The following ADK variants were observed in gnomAD, a reference collection of about 807,000 sequenced individuals.
The protein encoded by ADK is N6,N6-dimethyladenosine kinase.
In ADK, 24 loss-of-function variants were observed where a neutral mutation model predicts 44.7. The ratio of observed to expected loss-of-function variants is 0.54; its 90% CI spans 0.39 to 0.76. The LOEUF (loss-of-function observed/expected upper bound fraction) is 0.76. ADK is among the 30% of genes least tolerant of loss of function. The probability of loss-of-function intolerance (pLI) is 0.00; values close to 1 mark genes in which losing one functional copy is unlikely to be tolerated. For missense variants in ADK, 321 were observed against 425.1 expected (o/e 0.76, Z 2.15); for synonymous variants, 128 against 142.6 (o/e 0.90, Z 0.73).
At chr10:74,462,956 G>A (rs10762621) in intron 6 of ADK, among the ~76,000 whole-genome samples, 90,474 of 151,984 alleles carry the variant, frequency 0.6, 29,735 homozygotes, top group Middle Eastern at 0.77. Flanking sequence ...AGGGATTTAG[G>A]CTTTATGAAG....
chr10:74,687,762 T>C (rs1435112466), intron 10 of ADK, among the ~76,000 whole-genome samples: 1 of 152,234 alleles, frequency 6.6e-6, no homozygotes, highest in Admixed American at 6.5e-5. Flanking sequence ...GTTCTTTTGA[T>C]TCCGCTTTAA....
At chr10:74,378,367 TG>T (rs1428264576) in intron 4 of ADK, among the ~76,000 whole-genome samples, 1 of 152,184 alleles carries the variant, frequency 6.6e-6, no homozygotes, top group African/African-American at 2.4e-5. Context: ...AATTTTAGGA[TG>T]TAATTATATA....
At chr10:74,470,280 C>T (rs1040688296) in intron 6 of ADK, among the ~76,000 whole-genome samples, 1 of 152,064 alleles carries the variant, frequency 6.6e-6, no homozygotes. Flanking sequence ...CTTCCTTGGC[C>T]TCCCAAAGTT....
At chr10:74,454,156 TA>T (rs1845863614) in intron 6 of ADK, among the ~76,000 whole-genome samples, 1 of 152,172 alleles carries the variant, frequency 6.6e-6, no homozygotes, top group South Asian at 2.1e-4. Flanking sequence ...TTCATTGACA[TA>T]TCTTTTTTCT....
chr10:74,612,497 A>G (rs912564413), intron 9 of ADK, among the ~76,000 whole-genome samples: 2 of 151,842 alleles, frequency 1.3e-5, no homozygotes, highest in African/African-American at 4.8e-5. Flanking sequence ...TTTTCTTGTT[A>G]ATTTGTTTAG....
At chr10:74,441,628 A>G (rs1476452809) in intron 6 of ADK, among the ~76,000 whole-genome samples, 2 of 152,174 alleles carry the variant, frequency 1.3e-5, no homozygotes, top group African/African-American at 4.8e-5. Flanking sequence ...AACATATTAG[A>G]AAAGCTCCGT....
At chr10:74,374,735 GTC>G (rs879557182) in intron 4 of ADK, among the ~76,000 whole-genome samples, 1 of 152,060 alleles carries the variant, frequency 6.6e-6, no homozygotes, top group Non-Finnish European at 1.5e-5. Context: ...GCATGCCCAT[GTC>G]TCTCTGTGTT....
chr10:74,488,885 C>T (rs1430276415), intron 6 of ADK, among the ~76,000 whole-genome samples: 1 of 151,846 alleles, frequency 6.6e-6, no homozygotes, highest in Non-Finnish European at 1.5e-5. Flanking sequence ...CAACTTACCA[C>T]CTTTGTGATC....
At chr10:74,301,387 G>A (rs183818514) in intron 3 of ADK, among the ~76,000 whole-genome samples, 5 of 151,702 alleles carry the variant, frequency 3.3e-5, no homozygotes, top group South Asian at 2.1e-4. Context: ...GGTGGCGTGC[G>A]CCTGTAGTCT....
At chr10:74,161,311 C>T (rs561648073) in intron 1 of ADK, among the ~76,000 whole-genome samples, 3 of 152,244 alleles carry the variant, frequency 2.0e-5, no homozygotes, top group African/African-American at 4.8e-5. Context: ...AAGCAATTCT[C>T]CTGCCTCAGC....
At chr10:74,433,003 A>G (rs1241770065) in intron 6 of ADK, among the ~76,000 whole-genome samples, 1 of 152,112 alleles carries the variant, frequency 6.6e-6, no homozygotes, top group Non-Finnish European at 1.5e-5. Flanking sequence ...GCTTTACTTT[A>G]CTAAGTGACT....
At chr10:74,438,885 A>G (rs998170110) in intron 6 of ADK, among the ~76,000 whole-genome samples, 3 of 152,174 alleles carry the variant, frequency 2.0e-5, no homozygotes, top group Admixed American at 1.3e-4. Flanking sequence ...ACCATTCAAA[A>G]AACTCTTTTA....
chr10:74,587,966 A>T (rs1053870506), intron 7 of ADK, among the ~76,000 whole-genome samples: 3 of 152,134 alleles, frequency 2.0e-5, no homozygotes, highest in Non-Finnish European at 4.4e-5. Flanking sequence ...AGAACTTTGC[A>T]TATTAAAATT....
rs1487699871 is a variant in ADK, at chr10:74,160,612, C to T, written c.65+9269C>T. 2.6e-5 allele frequency among the ~76,000 whole-genome samples: 4 copies of T among 151,986 alleles called. No individual in the cohort carries two copies. The South Asian group carries it at 8.3e-4, about 32-fold the overall frequency. On this transcript the variant is annotated intron_variant, in intron 1 of 10. Transcript: ENST00000539909. ...ATCAGAGGTGGAGATTTGGGCTGGC[C>T]TTGGATACATTCTCACTGTCTGCCC...
chr10:74,411,422 A>G (rs148837742), intron 6 of ADK, among the ~76,000 whole-genome samples: 14 of 152,374 alleles, frequency 9.2e-5, no homozygotes, highest in African/African-American at 3.4e-4. Context: ...AAATATCACA[A>G]TAAAGCAAGT....
intron 3 of ADK, among the ~76,000 whole-genome samples, chr10:74,244,486 T>C (rs565656985): frequency 2.0e-5 from 3 of 152,324 alleles, no homozygotes; most frequent in Non-Finnish European, 4.4e-5. Flanking sequence ...CCAGAGTTAA[T>C]ATGCCAGATA....
intron 6 of ADK, among the ~76,000 whole-genome samples, chr10:74,415,198 G>A (rs1844327053): frequency 6.6e-6 from 1 of 152,184 alleles, no homozygotes; most frequent in African/African-American, 2.4e-5. Context: ...ATAGCATTTA[G>A]TTGTTAAGAC....
chr10:74,377,973 A>C lies in ADK; in HGVS notation c.274-16168A>C, dbSNP rs148159023. On this transcript the variant is annotated intron_variant, in intron 4 of 10. Transcript: ENST00000539909. Reference sequence around the variant, plus strand: ...TGATCCTCTTCAGTGACTAGTATAGAATTGTCACACTTGAGCTTTGGAGAT... The same window carrying C: ...TGATCCTCTTCAGTGACTAGTATAGCATTGTCACACTTGAGCTTTGGAGAT... 2.5e-3 allele frequency among the ~76,000 whole-genome samples: 385 copies of C among 152,204 alleles called. 1 individual carries two copies. The highest frequency in any genetic ancestry group is 4.8e-3 in the Non-Finnish European group (327 of 68,018).
chr10:74,440,652 A>T (rs1845372473), intron 6 of ADK, among the ~76,000 whole-genome samples: 1 of 152,134 alleles, frequency 6.6e-6, no homozygotes, highest in Non-Finnish European at 1.5e-5. Flanking sequence ...TAAACATGAA[A>T]AATCTCTGGC....
Sources: gnomAD v4.1 joint callset for allele counts (sites outside exome capture counted in the v4.1 genomes callset) on GRCh38, gnomAD v4.1.1 for gene constraint, MANE v1.5 for transcripts, NCBI Gene and HGNC (gene_info 2026-07-23, HGNC 2026-07-21) for gene names.